Variants in GAL3ST1 observed in about 807,000 individuals in gnomAD.
The protein encoded by GAL3ST1 is galactose-3-O-sulfotransferase 1.
In GAL3ST1, 13 loss-of-function variants were observed where a neutral mutation model predicts 25.0. That is an observed-to-expected ratio of 0.52 (90% CI 0.34 to 0.83). The LOEUF (loss-of-function observed/expected upper bound fraction) is 0.83. Among genes scored for constraint, GAL3ST1 ranks in the 40% least tolerant of loss-of-function variants. The pLI is 0.02. For missense variants in GAL3ST1, 474 were observed against 613.6 expected, an observed-to-expected ratio of 0.77 and a Z score of 2.40; for synonymous variants, 274 against 277.8, an observed-to-expected ratio of 0.99 and a Z score of 0.14.
In GAL3ST1 at chr22:30,555,388, G is replaced by A. The variant is rs751174059; in HGVS notation, c.837C>T (p.Asn279=). ...GCGGCACGGGCGAGTCGCGGCGGGCGTTGAGCTTGAAGTAGAGCACGTCCT... is the reference window on the plus strand; with the variant it reads ...GCGGCACGGGCGAGTCGCGGCGGGCATTGAGCTTGAAGTAGAGCACGTCCT... ...ELEDVLYFKL[N]ARRDSPVPRL... Residue 279 remains asparagine, a synonymous_variant, in exon 4 of 4, where the codon AAC becomes AAT. Coordinates refer to ENST00000406361, the MANE Select transcript of GAL3ST1 (RefSeq NM_001318104.2). The surrounding 1 kb of genome is among the most constrained non-coding windows in gnomAD (Gnocchi z 8.6). 7.5e-6 allele frequency: 12 copies of A among 1,608,844 alleles called. No individual in the cohort carries two copies. The highest frequency in any genetic ancestry group is 1.0e-5 in the Non-Finnish European group (12 of 1,179,848).
chr22:30,558,845 T>C lies in GAL3ST1; in HGVS notation c.-119-457A>G, dbSNP rs76977031. Among the ~76,000 whole-genome samples the C allele has an allele frequency of 7.4e-3, 1,128 of 152,310 alleles. 9 individuals carry two copies. Among genetic ancestry groups the C allele is most frequent in the Middle Eastern group, 0.02 (6 of 294 alleles). ...GTATAAGTATATTCCAAATATTGCA[T>C]GGGACATAGTTATACTAAAAATTAT... On this transcript the variant is annotated intron_variant, in intron 1 of 3. Coordinates refer to ENST00000406361, the MANE Select transcript of GAL3ST1 (RefSeq NM_001318104.2).
At chr22:30,562,883 G>GA (rs1398726133) in intron 1 of GAL3ST1, among the ~76,000 whole-genome samples, 2 of 152,210 alleles carry the variant, frequency 1.3e-5, no homozygotes, top group African/African-American at 4.8e-5. Flanking sequence ...TTGGGAGGCC[G>GA]AGACAGGCAG....
intron 1 of GAL3ST1, chr22:30,560,492 C>A (rs553865822): frequency 6.6e-6 from 1 of 152,336 alleles, no homozygotes; most frequent in South Asian, 2.1e-4. Context: ...GGGGGCCTGC[C>A]TTCAACCCCA....
chr22:30,571,992 A>T (rs984078561), intron 1 of GAL3ST1, among the ~76,000 whole-genome samples: 1 of 152,236 alleles, frequency 6.6e-6, no homozygotes, highest in African/African-American at 2.4e-5. Flanking sequence ...CGGCAAAGCC[A>T]AAATGAGGAG....
At chr22:30,562,375 A>G (rs1369823661) in intron 1 of GAL3ST1, among the ~76,000 whole-genome samples, 2 of 152,078 alleles carry the variant, frequency 1.3e-5, no homozygotes, top group Admixed American at 6.6e-5. Context: ...GGGGGCTCTC[A>G]CTATGTTGCA....
intron 1 of GAL3ST1, among the ~76,000 whole-genome samples, chr22:30,568,233 C>T (rs2146424144): frequency 6.6e-6 from 1 of 152,344 alleles, no homozygotes; most frequent in Non-Finnish European, 1.5e-5. Flanking sequence ...GGGTAGGGGC[C>T]TCTGGTGGCA....
chr22:30,557,247 A>C lies in GAL3ST1; in HGVS notation c.131+15T>G, dbSNP rs2086096969. Reference sequence around the variant, plus strand: ...CCCCACCTACACCCATCATCTGCCCAGCTGGGCCACTCACGTGGAGGCCAG... The same window carrying C: ...CCCCACCTACACCCATCATCTGCCCCGCTGGGCCACTCACGTGGAGGCCAG... On this transcript the variant is annotated intron_variant, in intron 3 of 3. Transcript: ENST00000406361. 1 of 1,613,688 alleles carries C rather than the reference A, an allele frequency of 6.2e-7. No individual in the cohort carries two copies. The highest frequency in any genetic ancestry group is 1.7e-5 in the Admixed American group (1 of 59,996).
At chr22:30,558,236 A>C (rs924002253) in intron 2 of GAL3ST1, 43 bp downstream of exon 2, 4 of 151,880 alleles carry the variant, frequency 2.6e-5, no homozygotes, top group Admixed American at 1.3e-4. Flanking sequence ...CTATCTCTAC[A>C]AAACAAAATT....
rs112976399 is a variant in GAL3ST1, at chr22:30,555,239, C to T, written c.986G>A (p.Arg329His). The change falls in exon 4 of 4, where the codon CGC becomes CAC. Residue 329 changes from arginine to histidine, a missense_variant. By Grantham distance (29) the Arg-to-His change is conservative (BLOSUM62 0). Coordinates refer to ENST00000406361, the MANE Select transcript of GAL3ST1 (RefSeq NM_001318104.2). This position sits in a 1 kb window ranked among gnomAD's most constrained non-coding sequence, Gnocchi z 8.6. ...VEAFGRERMA[R>H]EVAALRHANE... The stretch of plus-strand genomic sequence containing the variant: ...GGCATGGCGCAGGGCGGCCACCTCG[C>T]GGGCCATGCGCTCCCGCCCGAAGGC... The T allele has an allele frequency of 4.2e-3, 6,779 of 1,598,588 alleles. 96 individuals carry two copies. In the African/African-American group the frequency reaches 0.046, roughly 11 times the overall value.
intron 1 of GAL3ST1, among the ~76,000 whole-genome samples, chr22:30,571,958 T>A (rs2086797731): frequency 6.6e-6 from 1 of 152,186 alleles, no homozygotes; most frequent in African/African-American, 2.4e-5. Flanking sequence ...GTGGGGAAAC[T>A]GAGGCTCAGT....
chr22:30,562,275 C>T lies in GAL3ST1; in HGVS notation c.-119-3887G>A, dbSNP rs139699274. On this transcript the variant is annotated intron_variant, in intron 1 of 3. Transcript: ENST00000406361. Reference sequence around the variant, plus strand: ...CTCACTCTACTGCCCAGGCTGGTCTCGAACACCTGGCCTCAAGTGAATTTC... The same window carrying T: ...CTCACTCTACTGCCCAGGCTGGTCTTGAACACCTGGCCTCAAGTGAATTTC... Among the ~76,000 whole-genome samples the T allele has an allele frequency of 2.9e-3, 439 of 152,114 alleles. 2 individuals are homozygous for T. Among genetic ancestry groups the T allele is most frequent in the African/African-American group, 9.8e-3 (407 of 41,508 alleles).
intron 1 of GAL3ST1, among the ~76,000 whole-genome samples, chr22:30,562,939 A>T (rs1031137384): frequency 4.6e-5 from 7 of 152,152 alleles, no homozygotes; most frequent in African/African-American, 1.7e-4. Flanking sequence ...ACATGCTGAA[A>T]CACCGTCTCT....
chr22:30,570,490 C>A (rs529302156), intron 1 of GAL3ST1, among the ~76,000 whole-genome samples: 1 of 152,138 alleles, frequency 6.6e-6, no homozygotes, highest in Non-Finnish European at 1.5e-5. Context: ...AACTGAGGCT[C>A]GGAGAGATTA....
At chr22:30,573,976 G>A (rs1028238572) in intron 1 of GAL3ST1, among the ~76,000 whole-genome samples, 12 of 152,308 alleles carry the variant, frequency 7.9e-5, no homozygotes, top group African/African-American at 2.4e-4. Context: ...CTGGGGTACA[G>A]GCCAGGGCCT....
rs772868510 is a variant in GAL3ST1, at chr22:30,555,604, G to A, written c.621C>T (p.Asn207=). 1.3e-5 allele frequency: 21 copies of A among 1,613,470 alleles called. No homozygotes were observed. The highest frequency in any genetic ancestry group is 2.2e-5 in the East Asian group (1 of 44,892). ...LQDPDRYYDP[N]GFNAHYLRNL... is the part of the protein sequence containing the mutation. Reference sequence around the variant, plus strand: ...TTCGGAGGTAGTGGGCATTGAAGCCGTTGGGGTCGTAGTAGCGATCCGGGT... The same window carrying A: ...TTCGGAGGTAGTGGGCATTGAAGCCATTGGGGTCGTAGTAGCGATCCGGGT... The change falls in exon 4 of 4, where the codon AAC becomes AAT. Residue 207 remains asparagine (N), a synonymous_variant. Transcript: ENST00000406361. This position sits in a 1 kb window ranked among gnomAD's most constrained non-coding sequence, Gnocchi z 8.6.
intron 1 of GAL3ST1, among the ~76,000 whole-genome samples, chr22:30,567,929 T>C (rs1198741172): frequency 6.6e-6 from 1 of 152,122 alleles, no homozygotes; most frequent in Non-Finnish European, 1.5e-5. Context: ...GTGATCCACC[T>C]GCCTCAGCCT....
chr22:30,555,374 G>T lies in GAL3ST1; in HGVS notation c.851C>A (p.Ser284Ter). 1 of 1,608,584 alleles carries T rather than the reference G, an allele frequency of 6.2e-7. No individual in the cohort carries two copies. Residue 284 changes from serine (S) to a stop codon, truncating the protein, a stop_gained, in exon 4 of 4, where the codon TCG becomes TAG. Transcript: ENST00000406361. LOFTEE classifies it high-confidence loss of function. This position sits in a 1 kb window ranked among gnomAD's most constrained non-coding sequence, Gnocchi z 8.6. ...LYFKLNARRD[S>*]PVPRLSGELY... ...CTCCCCCGAGAGCCGCGGCACGGGC[G>T]AGTCGCGGCGGGCGTTGAGCTTGAA...
chr22:30,565,601 A>G (rs577203591), intron 1 of GAL3ST1, among the ~76,000 whole-genome samples: 1 of 152,256 alleles, frequency 6.6e-6, no homozygotes, highest in South Asian at 2.1e-4. Flanking sequence ...TAAATCTTTC[A>G]TCAGAGAGGG....
chr22:30,559,712 G>A (rs2086268342), intron 1 of GAL3ST1, among the ~76,000 whole-genome samples: 1 of 152,184 alleles, frequency 6.6e-6, no homozygotes. Flanking sequence ...GATGATCTAA[G>A]CGTGGCAACC....
Sources: allele counts gnomAD v4.1 joint callset (sites outside exome capture counted in the v4.1 genomes callset), GRCh38; gene constraint gnomAD v4.1.1; non-coding constraint Gnocchi (gnomAD v3.1); transcripts MANE v1.5; gene names NCBI Gene and HGNC (gene_info 2026-07-23, HGNC 2026-07-21).